The following SLC35F1 variants were observed in gnomAD, a reference collection of about 807,000 sequenced individuals.
The protein encoded by SLC35F1 is chromosome 6 open reading frame 169.
Under a neutral mutation model 48.7 loss-of-function variants are expected in SLC35F1, and 14 were observed. The ratio of observed to expected loss-of-function variants is 0.29; its 90% CI spans 0.19 to 0.45. The LOEUF (loss-of-function observed/expected upper bound fraction) is 0.45, where lower values mean the gene tolerates loss of function less well. Among genes scored for constraint, SLC35F1 ranks in the 20% least tolerant of loss-of-function variants. The pLI is 1.00. For missense variants in SLC35F1, 404 were observed against 500.0 expected, an observed-to-expected ratio of 0.81 and a Z score of 1.83; for synonymous variants, 190 against 202.2, an observed-to-expected ratio of 0.94 and a Z score of 0.51.
chr6:118,008,773 T>G (rs1777207332), intron 1 of SLC35F1, among the ~76,000 whole-genome samples: 1 of 152,204 alleles, frequency 6.6e-6, no homozygotes, highest in Non-Finnish European at 1.5e-5. Context: ...AGCCTCTGTT[T>G]AAAAGTCTAT....
intron 1 of SLC35F1, among the ~76,000 whole-genome samples, chr6:118,119,427 G>T (rs1773520606): frequency 6.7e-6 from 1 of 150,242 alleles, no homozygotes; most frequent in Non-Finnish European, 1.5e-5. Flanking sequence ...AGTCTTGACA[G>T]TTTACCTAAA....
intron 1 of SLC35F1, among the ~76,000 whole-genome samples, chr6:117,971,277 G>A (rs1157335749): frequency 1.3e-5 from 2 of 152,212 alleles, no homozygotes; most frequent in Non-Finnish European, 2.9e-5. Flanking sequence ...CTCATATCCA[G>A]GTCATGCTGA....
chr6:117,980,839 G>A (rs879655399), intron 1 of SLC35F1, among the ~76,000 whole-genome samples: 1 of 152,164 alleles, frequency 6.6e-6, no homozygotes, highest in Non-Finnish European at 1.5e-5. Flanking sequence ...CAACAGCTAG[G>A]CCCAGAGAGC....
At chr6:117,935,535 C>G (rs1776153422) in intron 1 of SLC35F1, among the ~76,000 whole-genome samples, 1 of 152,178 alleles carries the variant, frequency 6.6e-6, no homozygotes, top group South Asian at 2.1e-4. Context: ...AGCACTATAA[C>G]TCCTGCCTGA....
At chr6:117,921,162 G>GT in intron 1 of SLC35F1, among the ~76,000 whole-genome samples, 1 of 151,966 alleles carries the variant, frequency 6.6e-6, no homozygotes, top group East Asian at 1.9e-4. Context: ...TTTTTACTAT[G>GT]TTTTTTGGGA....
chr6:118,106,973 C>G (rs572177732), intron 1 of SLC35F1, among the ~76,000 whole-genome samples: 15 of 152,316 alleles, frequency 9.8e-5, no homozygotes, highest in Admixed American at 7.8e-4. Flanking sequence ...ACATTCTACC[C>G]CCCAGCATCA....
intron 1 of SLC35F1, among the ~76,000 whole-genome samples, chr6:117,958,818 A>G (rs554587212): frequency 6.6e-6 from 1 of 152,364 alleles, no homozygotes; most frequent in East Asian, 1.9e-4. Flanking sequence ...TATATGTTTA[A>G]AGAGTAACAG....
At chr6:117,969,217 G>C (rs891362502) in intron 1 of SLC35F1, among the ~76,000 whole-genome samples, 2 of 152,092 alleles carry the variant, frequency 1.3e-5, no homozygotes, top group Non-Finnish European at 1.5e-5. Flanking sequence ...CTGTAATATA[G>C]TTCAACATTT....
Position 118,314,150 on chromosome 6 carries a change from A to T in SLC35F1, c.1125A>T (p.Gly375=). The T allele has an allele frequency of 6.2e-7, 1 of 1,613,968 alleles. No homozygotes were observed. Among genetic ancestry groups the T allele is most frequent in the Non-Finnish European group, 8.5e-7 (1 of 1,179,976 alleles). Residue 375 remains glycine, a synonymous_variant, in exon 8 of 8, where the codon GGA becomes GGT. Transcript: ENST00000360388. ...RVYKQFRNPS[G]PVVDLPTTAQ... is the part of the protein sequence containing the mutation. Reference sequence around the variant, plus strand: ...ATAAGCAGTTCCGCAATCCTTCAGGACCTGTTGTGGACTTACCGACCACAG... The same window carrying T: ...ATAAGCAGTTCCGCAATCCTTCAGGTCCTGTTGTGGACTTACCGACCACAG...
intron 1 of SLC35F1, among the ~76,000 whole-genome samples, chr6:117,957,280 G>C (rs9481751): frequency 0.38 from 57,022 of 151,902 alleles, 11,115 homozygotes; most frequent in African/African-American, 0.48. Context: ...AAATACCTTT[G>C]TCATTTTCAG....
At position 118,306,307 on chromosome 6, in the gene SLC35F1, A is replaced by G. The variant is rs141805467; in HGVS notation, c.1003-7721A>G. On this transcript the variant is annotated intron_variant, in intron 7 of 7. Transcript: ENST00000360388. Reference sequence around the variant, plus strand: ...AGTGACAGGAAGCATAAATTTTGCTAGTGGCTAACAGGGCTAATAGAAAAT... The same window carrying G: ...AGTGACAGGAAGCATAAATTTTGCTGGTGGCTAACAGGGCTAATAGAAAAT... Among the ~76,000 whole-genome samples the G allele has an allele frequency of 9.1e-4, 139 of 152,328 alleles. 1 individual carries two copies. Among genetic ancestry groups the G allele is most frequent in the African/African-American group, 2.9e-3 (119 of 41,566 alleles).
intron 4 of SLC35F1, among the ~76,000 whole-genome samples, chr6:118,270,165 A>G (rs1775832640): frequency 6.6e-6 from 1 of 152,186 alleles, no homozygotes; most frequent in Non-Finnish European, 1.5e-5. Flanking sequence ...TCTGTCTCCA[A>G]GCACATTGAT....
At chr6:118,017,281 G>A (rs1777334699) in intron 1 of SLC35F1, among the ~76,000 whole-genome samples, 1 of 152,198 alleles carries the variant, frequency 6.6e-6, no homozygotes, top group Admixed American at 6.5e-5. Context: ...TGTGGAATAA[G>A]GGGCAAGCAA....
chr6:118,092,847 G>A lies in SLC35F1; in HGVS notation c.174-61598G>A, dbSNP rs575947179. ...TCCCATTTGGAACAGGTGTATTTAC[G>A]CAATCCCTGTGCCCCCATTGTATCT... On this transcript the variant is annotated intron_variant, in intron 1 of 7. Coordinates refer to ENST00000360388, the MANE Select transcript of SLC35F1 (RefSeq NM_001029858.4). Among the ~76,000 whole-genome samples the A allele has an allele frequency of 2.4e-4, 37 of 152,254 alleles. 1 individual carries two copies. In the East Asian group the frequency reaches 6.2e-3, roughly 25 times the overall value.
intron 1 of SLC35F1, among the ~76,000 whole-genome samples, chr6:117,917,713 C>A (rs927487552): frequency 8.1e-6 from 1 of 123,558 alleles, no homozygotes; most frequent in Non-Finnish European, 1.9e-5. Context: ...TGTAGTGAAA[C>A]GGTCAAAAGA....
intron 1 of SLC35F1, among the ~76,000 whole-genome samples, chr6:118,002,607 A>G (rs1777118016): frequency 3.9e-5 from 6 of 151,972 alleles, no homozygotes; most frequent in Admixed American, 3.9e-4. Flanking sequence ...TAATAATAAT[A>G]ATAAAATTTA....
At chr6:118,170,955 C>A (rs941268514) in intron 2 of SLC35F1, among the ~76,000 whole-genome samples, 3 of 152,108 alleles carry the variant, frequency 2.0e-5, no homozygotes, top group African/African-American at 7.2e-5. Context: ...TGTGCATATG[C>A]ATTTATATAC....
intron 1 of SLC35F1, among the ~76,000 whole-genome samples, chr6:117,996,369 C>G (rs1472405189): frequency 6.6e-6 from 1 of 152,170 alleles, no homozygotes; most frequent in Non-Finnish European, 1.5e-5. Context: ...AGCTCCCAGC[C>G]TGAGTGATGC....
chr6:118,204,845 A>G (rs1016994513), intron 2 of SLC35F1, among the ~76,000 whole-genome samples: 2 of 152,202 alleles, frequency 1.3e-5, no homozygotes, highest in Non-Finnish European at 1.5e-5. Context: ...GAATCTTTTC[A>G]TTACATCATC....
Sources: allele counts gnomAD v4.1 joint callset (sites outside exome capture counted in the v4.1 genomes callset), GRCh38; gene constraint gnomAD v4.1.1; transcripts MANE v1.5; gene names NCBI Gene and HGNC (gene_info 2026-07-23, HGNC 2026-07-21).